The following SLC8A1 variants were observed in gnomAD, a reference collection of about 807,000 sequenced individuals.
The protein encoded by SLC8A1 is solute carrier family 8 member A1.
A neutral mutation model predicts 68.3 loss-of-function variants in SLC8A1; 18 were observed. That is an observed-to-expected ratio of 0.26 (90% CI 0.18 to 0.39). The LOEUF is 0.39. Ranked by LOEUF, SLC8A1 falls within the 10% of genes least tolerant of loss-of-function variation. The probability of loss-of-function intolerance (pLI) is 1.00; values close to 1 mark genes in which losing one functional copy is unlikely to be tolerated. For missense variants in SLC8A1, 985 were observed against 1,156.7 expected, an observed-to-expected ratio of 0.85 and a Z score of 2.15; for synonymous variants, 475 against 415.5, an observed-to-expected ratio of 1.14 and a Z score of -1.74.
exon 2 of SLC8A1, chr2:40,428,970 A>G (rs760376732): frequency 6.2e-7 from 1 of 1,613,884 alleles, no homozygotes; most frequent in Non-Finnish European, 8.5e-7. Context: ...ACACAGTGTT[A>G]GTCAAATCAC....
chr2:40,258,436 C>T (rs570317864), intron 2 of SLC8A1, among the ~76,000 whole-genome samples: 2 of 152,298 alleles, frequency 1.3e-5, no homozygotes, highest in East Asian at 3.9e-4. Context: ...AATATGATCT[C>T]CTGCACCAAG....
In SLC8A1 at chr2:40,347,150, G is replaced by C. The variant is rs192554310; in HGVS notation, c.1808+81323C>G. Among the ~76,000 whole-genome samples, 325 of 152,260 alleles carry C rather than the reference G, an allele frequency of 2.1e-3. 4 individuals carry two copies. Among genetic ancestry groups the C allele is most frequent in the African/African-American group, 7.7e-3 (318 of 41,552 alleles). ...CTACATACTGGCTATTTGAAATGTGGTAACTTACTCTCTGTAGCCTATCGC... is the reference window on the plus strand; with the variant it reads ...CTACATACTGGCTATTTGAAATGTGCTAACTTACTCTCTGTAGCCTATCGC... On this transcript the variant is annotated intron_variant, in intron 2 of 7. Transcript: ENST00000406785.
intron 2 of SLC8A1, among the ~76,000 whole-genome samples, chr2:40,403,135 TA>T (rs1043512228): frequency 2.0e-5 from 3 of 152,180 alleles, no homozygotes; most frequent in African/African-American, 7.2e-5. Context: ...AATTGGTATT[TA>T]AAGTTAATCC....
At chr2:40,108,197 G>A (rs1012585057) in exon 8 of SLC8A1, 1 of 152,128 alleles carries the variant, frequency 6.6e-6, no homozygotes, top group African/African-American at 2.4e-5. Context: ...AGGAAGAAAG[G>A]GAAATTATTG....
intron 6 of SLC8A1, among the ~76,000 whole-genome samples, chr2:40,159,058 C>T (rs1017441434): frequency 8.5e-5 from 13 of 152,086 alleles, no homozygotes; most frequent in East Asian, 1.9e-4. Context: ...AATGAACCAA[C>T]GTAAACCACT....
intron 2 of SLC8A1, among the ~76,000 whole-genome samples, chr2:40,321,334 G>A (rs1420255148): frequency 1.3e-5 from 2 of 152,038 alleles, no homozygotes; most frequent in African/African-American, 4.8e-5. Flanking sequence ...GTATAACCAT[G>A]TATATCATTT....
intron 2 of SLC8A1, among the ~76,000 whole-genome samples, chr2:40,420,409 G>C (rs1036729869): frequency 2.7e-5 from 4 of 149,720 alleles, no homozygotes; most frequent in Non-Finnish European, 5.9e-5. Context: ...ACGAAGAAAA[G>C]CTGCATTCAT....
In SLC8A1 at chr2:40,167,384, C is replaced by T. The variant is rs572605520; in HGVS notation, c.1931-2400G>A. Among the ~76,000 whole-genome samples the T allele has an allele frequency of 1.5e-4, 23 of 152,086 alleles. No homozygotes were observed. In the South Asian group the frequency reaches 1.7e-3, roughly 11 times the overall value. ...AATTTTACTTTCTATTTGTGGCAAA[C>T]GATACTAGTTTTCCTGTGTTAGTGA... is the stretch of plus-strand genomic sequence containing the variant. On this transcript the variant is annotated intron_variant, in intron 4 of 7. Transcript: ENST00000406785.
intron 1 of SLC8A1, among the ~76,000 whole-genome samples, chr2:40,433,673 G>A (rs760241310): frequency 5.9e-5 from 9 of 152,278 alleles, no homozygotes; most frequent in Non-Finnish European, 1.3e-4. Context: ...GATAGGTTAA[G>A]TACTTGCTGA....
chr2:40,338,199 T>C (rs1666604370), intron 2 of SLC8A1, among the ~76,000 whole-genome samples: 1 of 152,128 alleles, frequency 6.6e-6, no homozygotes, highest in South Asian at 2.1e-4. Flanking sequence ...TGCATCTTTT[T>C]CAGAAGACAG....
chr2:40,332,200 C>A (rs1057338540), intron 2 of SLC8A1, among the ~76,000 whole-genome samples: 7 of 152,068 alleles, frequency 4.6e-5, no homozygotes. Context: ...ACTTTGAATG[C>A]CTTTCTAAAT....
intron 1 of SLC8A1, among the ~76,000 whole-genome samples, chr2:40,467,685 G>A (rs769779709): frequency 1.1e-4 from 17 of 152,174 alleles, no homozygotes; most frequent in African/African-American, 1.7e-4. Context: ...CTGTCAGAAC[G>A]CTGTCCACTT....
At chr2:40,365,652 C>A (rs555099367) in intron 2 of SLC8A1, among the ~76,000 whole-genome samples, 1 of 151,954 alleles carries the variant, frequency 6.6e-6, no homozygotes, top group African/African-American at 2.4e-5. Context: ...CTGTCTATAC[C>A]TACATTTACA....
intron 1 of SLC8A1, among the ~76,000 whole-genome samples, chr2:40,445,137 C>A (rs549021091): frequency 2.0e-5 from 3 of 152,240 alleles, no homozygotes; most frequent in East Asian, 1.9e-4. Flanking sequence ...AAACCACAAG[C>A]CTTTTTAATA....
At chr2:40,133,434 C>T (rs2039822931) in intron 7 of SLC8A1, among the ~76,000 whole-genome samples, 1 of 151,682 alleles carries the variant, frequency 6.6e-6, no homozygotes, top group Non-Finnish European at 1.5e-5. Flanking sequence ...ATTTCCTTCT[C>T]CTTCAGCCTT....
At chr2:40,119,825 C>A (rs2036373169) in intron 7 of SLC8A1, among the ~76,000 whole-genome samples, 1 of 152,144 alleles carries the variant, frequency 6.6e-6, no homozygotes, top group Non-Finnish European at 1.5e-5. Context: ...CAGTTTTAGA[C>A]TTTTAGTCCT....
chr2:40,345,424 A>G (rs2149424052), intron 2 of SLC8A1, among the ~76,000 whole-genome samples: 1 of 152,286 alleles, frequency 6.6e-6, no homozygotes, highest in East Asian at 1.9e-4. Context: ...CAGTCAGAAG[A>G]TTCATGTGAG....
intron 1 of SLC8A1, among the ~76,000 whole-genome samples, chr2:40,480,522 C>A (rs1245616837): frequency 6.6e-6 from 1 of 152,156 alleles, no homozygotes; most frequent in African/African-American, 2.4e-5. Context: ...GCCTTTAGAA[C>A]TGTGAGGAAT....
chr2:40,189,769 T>C (rs765182278), intron 2 of SLC8A1: 1 of 152,196 alleles, frequency 6.6e-6, no homozygotes, highest in Admixed American at 6.6e-5. Flanking sequence ...TATTATGAAT[T>C]TTTGATGTTC....
Sources: gnomAD v4.1 joint callset for allele counts (sites outside exome capture counted in the v4.1 genomes callset) on GRCh38, gnomAD v4.1.1 for gene constraint, MANE v1.5 for transcripts, NCBI Gene and HGNC (gene_info 2026-07-23, HGNC 2026-07-21) for gene names.